ANO1: variants seen among roughly 807,000 people sequenced by gnomAD.
ANO1 encodes the protein anoctamin-1.
In ANO1, 59 loss-of-function variants were observed where a neutral mutation model predicts 124.0. That is an observed-to-expected ratio of 0.48 (90% CI 0.39 to 0.59). The LOEUF is 0.59. ANO1 is among the 20% of genes least tolerant of loss of function. ANO1 has a pLI of 0.00. For missense variants in ANO1, 1,059 were observed against 1,328.0 expected (o/e 0.80, Z 3.15); for synonymous variants, 529 against 532.0 (o/e 0.99, Z 0.08).
intron 1 of ANO1, among the ~76,000 whole-genome samples, chr11:69,989,355 G>A (rs17160502): frequency 0.14 from 21,703 of 152,132 alleles, 1,643 homozygotes; most frequent in African/African-American, 0.17. Flanking sequence ...GTGCCATTGA[G>A]TGGGTGGTGT....
intron 11 of ANO1, among the ~76,000 whole-genome samples, chr11:70,146,476 G>A (rs964569739): frequency 2.0e-5 from 3 of 152,154 alleles, no homozygotes; most frequent in Admixed American, 2.0e-4. Flanking sequence ...GGCCAAGTCT[G>A]GGAAAGAGGA....
intron 15 of ANO1, among the ~76,000 whole-genome samples, chr11:70,156,737 A>C (rs2047830914): frequency 6.6e-6 from 1 of 152,194 alleles, no homozygotes; most frequent in African/African-American, 2.4e-5. Flanking sequence ...TTATCCTGTG[A>C]CATAGGTGAT....
chr11:70,102,635 C>T (rs113424715), intron 2 of ANO1, among the ~76,000 whole-genome samples: 141 of 152,336 alleles, frequency 9.3e-4, no homozygotes, highest in African/African-American at 3.0e-3. Context: ...GTCCCCTCCT[C>T]GGCACTGCTC....
chr11:70,015,042 G>C (rs1202169064), intron 1 of ANO1: 1 of 152,008 alleles, frequency 6.6e-6, no homozygotes, highest in Non-Finnish European at 1.5e-5. Context: ...GGGGGATGGA[G>C]ACACGTGGAC....
At chr11:70,124,257 T>A in intron 8 of ANO1, 93 bp from the exon 9 acceptor site, 2 of 1,149,098 alleles carry the variant, frequency 1.7e-6, no homozygotes, top group Admixed American at 3.7e-5. Context: ...GAATGAATGA[T>A]GTCACGGAGG....
chr11:70,004,628 G>C (rs559451813), intron 1 of ANO1, among the ~76,000 whole-genome samples: 38 of 152,370 alleles, frequency 2.5e-4, no homozygotes, highest in African/African-American at 8.4e-4. Flanking sequence ...GCAGCCACAG[G>C]CTTCTCCATC....
chr11:69,986,588 G>T (rs1216148813), intron 1 of ANO1, among the ~76,000 whole-genome samples: 1 of 152,120 alleles, frequency 6.6e-6, no homozygotes, highest in African/African-American at 2.4e-5. Flanking sequence ...TAATATTTCC[G>T]TGCTATTCTG....
At chr11:70,061,640 A>C (rs1219466168) in intron 1 of ANO1, among the ~76,000 whole-genome samples, 1 of 151,788 alleles carries the variant, frequency 6.6e-6, no homozygotes, top group Non-Finnish European at 1.5e-5. Context: ...ATAGCAGCTG[A>C]GTTTCTCTGT....
chr11:70,098,801 C>T (rs1368694503), intron 2 of ANO1, among the ~76,000 whole-genome samples: 4 of 152,278 alleles, frequency 2.6e-5, no homozygotes, highest in Middle Eastern at 3.4e-3. Context: ...CCTCGGGCCA[C>T]GGGGGCTGTA....
chr11:69,998,508 G>A (rs570597825), intron 1 of ANO1, among the ~76,000 whole-genome samples: 1 of 152,330 alleles, frequency 6.6e-6, no homozygotes, highest in East Asian at 1.9e-4. Flanking sequence ...CATTCTTCTA[G>A]GAAGATCCTG....
chr11:70,158,931 T>C (rs570017056), intron 16 of ANO1, among the ~76,000 whole-genome samples: 1 of 152,140 alleles, frequency 6.6e-6, no homozygotes, highest in Non-Finnish European at 1.5e-5. Flanking sequence ...GTGTCCCCTC[T>C]GGCCAGGTGC....
intron 10 of ANO1, among the ~76,000 whole-genome samples, chr11:70,128,723 G>A (rs1005129078): frequency 2.0e-5 from 3 of 152,234 alleles, no homozygotes; most frequent in East Asian, 1.9e-4. Flanking sequence ...TTGTACCTCC[G>A]GTCCTCTCTG....
intron 5 of ANO1, among the ~76,000 whole-genome samples, chr11:70,106,604 G>A (rs2045560643): frequency 6.6e-6 from 1 of 152,200 alleles, no homozygotes; most frequent in Non-Finnish European, 1.5e-5. Flanking sequence ...CTGGGGCAGG[G>A]AGGAGGGCAT....
chr11:70,103,016 A>T (rs768781672), intron 2 of ANO1, 50 bp from the exon 3 acceptor site: 1 of 1,313,160 alleles, frequency 7.6e-7, no homozygotes, highest in Non-Finnish European at 1.0e-6. Context: ...GTGGTTTTCC[A>T]CAGAGATGCA....
intron 10 of ANO1, among the ~76,000 whole-genome samples, chr11:70,130,042 C>T (rs1408466131): frequency 6.6e-6 from 1 of 152,178 alleles, no homozygotes; most frequent in Non-Finnish European, 1.5e-5. Flanking sequence ...GTTTATTAAG[C>T]ACCAGCTGCT....
intron 11 of ANO1, among the ~76,000 whole-genome samples, chr11:70,141,883 A>G (rs1430616537): frequency 6.6e-6 from 1 of 152,072 alleles, no homozygotes; most frequent in Non-Finnish European, 1.5e-5. Context: ...GAAACCTGTT[A>G]CTGCCTGGCA....
intron 1 of ANO1, among the ~76,000 whole-genome samples, chr11:70,084,099 A>G (rs1260594605): frequency 6.6e-6 from 1 of 152,100 alleles, no homozygotes; most frequent in East Asian, 1.9e-4. Flanking sequence ...TGGGGAAGGC[A>G]GTATGGGGAG....
At chr11:70,066,762 G>A (rs1348835478) in intron 1 of ANO1, among the ~76,000 whole-genome samples, 6 of 152,134 alleles carry the variant, frequency 3.9e-5, no homozygotes, top group Admixed American at 6.5e-5. Context: ...GTAACTCCAC[G>A]GTGGAGCAAA....
In ANO1 at chr11:70,068,780, C is replaced by T. The variant is rs543494070; in HGVS notation, c.59-9762C>T. Among the ~76,000 whole-genome samples, 62 of 152,256 alleles carry T rather than the reference C, an allele frequency of 4.1e-4. 1 individual carries two copies. The highest frequency in any genetic ancestry group is 1.4e-3 in the African/African-American group (58 of 41,542). On this transcript the variant is annotated intron_variant, in intron 1 of 27. Transcript: ENST00000531349. ...CAACTGTTCTGAAGTGGTGGGAAGG[C>T]GGGTAGGGGCAGTCCCAGTGGTCAT...
Sources: allele counts gnomAD v4.1 joint callset (sites outside exome capture counted in the v4.1 genomes callset), GRCh38; gene constraint gnomAD v4.1.1; transcripts MANE v1.5; gene names NCBI Gene and HGNC (gene_info 2026-07-23, HGNC 2026-07-21).